The following MAN1C1 variants were observed in gnomAD, a reference collection of about 807,000 sequenced individuals.
The protein encoded by MAN1C1 is mannosyl-oligosaccharide 1,2-alpha-mannosidase IC.
MAN1C1 carries 49 observed loss-of-function variants against 71.5 expected under a neutral mutation model. The observed-to-expected ratio is 0.69, with a 90% CI of 0.54 to 0.87. The LOEUF is 0.87. Among genes scored for constraint, MAN1C1 ranks in the 40% least tolerant of loss-of-function variants. The pLI, the probability that MAN1C1 is intolerant of heterozygous loss-of-function variation, is 0.00. For missense variants in MAN1C1, 743 were observed against 835.0 expected, an observed-to-expected ratio of 0.89 and a Z score of 1.36; for synonymous variants, 352 against 343.7, an observed-to-expected ratio of 1.02 and a Z score of -0.27.
chr1:25,781,002 C>T lies in MAN1C1; in HGVS notation c.1540C>T (p.Leu514=). The change falls in exon 10 of 12, where the codon CTG becomes TTG. Residue 514 remains leucine, a synonymous_variant. Transcript: ENST00000374332. Reference sequence around the variant, plus strand: ...CGGCAGAGAGGCCGTGGCCACCCAGCTGAGCGAGAGCTACTACATCCTCCG... The same window carrying T: ...CGGCAGAGAGGCCGTGGCCACCCAGTTGAGCGAGAGCTACTACATCCTCCG... The part of the protein sequence containing the change: ...NSGREAVATQ[L]SESYYILRPE... 6.2e-7 allele frequency: 1 copy of T among 1,614,194 alleles called. No homozygotes were observed. The highest frequency in any genetic ancestry group is 8.5e-7 in the Non-Finnish European group (1 of 1,180,026).
intron 9 of MAN1C1, 43 bp from the exon 10 acceptor site, chr1:25,780,897 G>A (rs773953190): frequency 1.9e-6 from 3 of 1,595,728 alleles, no homozygotes; most frequent in Admixed American, 1.7e-5. Flanking sequence ...AAAGCAGGAG[G>A]TGGGAGGTCT....
rs867433498 is a variant in MAN1C1 at position 25,618,255 on chromosome 1, G to T, written c.458G>T (p.Arg153Leu). The T allele has an allele frequency of 1.9e-6, 3 of 1,602,378 alleles. No individual in the cohort carries two copies. The highest frequency in any genetic ancestry group is 2.5e-6 in the Non-Finnish European group (3 of 1,176,518). The change falls in exon 1 of 12, where the codon CGC becomes CTC. Residue 153 changes from arginine to leucine, a missense_variant. Physicochemically the swap from Arg to Leu is moderately radical, Grantham distance 102. Coordinates refer to ENST00000374332, the MANE Select transcript of MAN1C1 (RefSeq NM_020379.4). ...FDFNAFRSRL[R>L]HPVLGTRADE... The stretch of plus-strand genomic sequence containing the variant: ...TTCAACGCATTCCGGAGCCGTCTCC[G>T]CCACCCGGTCCTGGGAACGAGGGCC...
chr1:25,676,572 C>T (rs2046071385), intron 1 of MAN1C1, among the ~76,000 whole-genome samples: 1 of 152,216 alleles, frequency 6.6e-6, no homozygotes, highest in Non-Finnish European at 1.5e-5. Flanking sequence ...ACCCAATGTT[C>T]TAAGCTCTCT....
In MAN1C1 at chr1:25,617,653, C is replaced by G. The variant is rs1397800088; in HGVS notation, c.-145C>G. 9 of 633,888 alleles carry G rather than the reference C, an allele frequency of 1.4e-5. No homozygotes were observed. The highest frequency in any genetic ancestry group is 2.0e-5 in the African/African-American group (1 of 50,982). The allele number at this position is 633,888 out of a possible 1,614,324, so 39.3% of individuals were successfully genotyped here. A position where few individuals can be genotyped will look rare whatever the true frequency, so the allele number is the denominator to read the frequency against. On this transcript the variant is annotated 5_prime_UTR_variant, in exon 1 of 12. Coordinates refer to ENST00000374332, the MANE Select transcript of MAN1C1 (RefSeq NM_020379.4). This position sits in a 1 kb window ranked among gnomAD's most constrained non-coding sequence, Gnocchi z 5.1. ...AACTCCCTGAACTTCGGGGACAGTC[C>G]CCCGAAGCGGCGAAACTCTCAGGGT...
In MAN1C1 at chr1:25,763,880, A is replaced by G. The variant is rs1344078989; in HGVS notation, c.1054A>G (p.Asn352Asp). 1.2e-6 allele frequency: 2 copies of G among 1,613,568 alleles called. No individual in the cohort carries two copies. The highest frequency in any genetic ancestry group is 3.3e-5 in the Admixed American group (2 of 59,980). The change falls in exon 7 of 12, where the codon AAC becomes GAC. Residue 352 changes from asparagine (N) to aspartate (D), a missense_variant. Coordinates refer to ENST00000374332, the MANE Select transcript of MAN1C1 (RefSeq NM_020379.4). ...GGTGTCCGTCTCTCGGCAGGTCAGG[A>G]ACATCCGCAAGGTCCTCAGGAAGAT... The part of the protein sequence containing the change: ...GNQVFAEKVR[N>D]IRKVLRKIEK...
intron 2 of MAN1C1, chr1:25,710,277 G>A (rs576313968): frequency 9.2e-5 from 14 of 152,344 alleles, no homozygotes; most frequent in African/African-American, 3.4e-4. Context: ...ACATCTGTAA[G>A]ATGGGGTTGG....
intron 1 of MAN1C1, among the ~76,000 whole-genome samples, chr1:25,674,578 T>A (rs1469323911): frequency 6.6e-6 from 1 of 152,152 alleles, no homozygotes; most frequent in African/African-American, 2.4e-5. Flanking sequence ...CAACCAAGCC[T>A]GGGCACTGAA....
intron 1 of MAN1C1, among the ~76,000 whole-genome samples, chr1:25,622,679 G>A (rs769377169): frequency 1.3e-5 from 2 of 152,208 alleles, no homozygotes; most frequent in Non-Finnish European, 2.9e-5. Context: ...TGCCTAGAGA[G>A]CAGGCATCGG....
intron 2 of MAN1C1, among the ~76,000 whole-genome samples, chr1:25,689,289 G>C (rs2786865): frequency 6.6e-6 from 1 of 152,026 alleles, no homozygotes; most frequent in African/African-American, 2.4e-5. Flanking sequence ...GCTGACATGG[G>C]CAGTCCTTAC....
Position 25,782,377 on chromosome 1 carries a change from T to C in MAN1C1, c.1651-208T>C, listed in dbSNP as rs2047707188. Among the ~76,000 whole-genome samples, 1 of 150,604 alleles carries C rather than the reference T, an allele frequency of 6.6e-6. No individual in the cohort carries two copies. Among genetic ancestry groups the C allele is most frequent in the Non-Finnish European group, 1.5e-5 (1 of 67,606 alleles). On this transcript the variant is annotated intron_variant, in intron 10 of 11. Coordinates refer to ENST00000374332, the MANE Select transcript of MAN1C1 (RefSeq NM_020379.4). The surrounding 1 kb of genome is among the most constrained non-coding windows in gnomAD (Gnocchi z 4.4). ...CTCTCAGAGGTGTGGGTGGAAGGAG[T>C]GTGGCCCCTCCAGCCTGGGGACAGG...
chr1:25,699,474 G>A (rs1444250123), intron 2 of MAN1C1, among the ~76,000 whole-genome samples: 1 of 152,112 alleles, frequency 6.6e-6, no homozygotes, highest in Non-Finnish European at 1.5e-5. Context: ...GAGACCATCT[G>A]TGAGTGGTGC....
intron 2 of MAN1C1, among the ~76,000 whole-genome samples, chr1:25,716,442 C>T (rs2046682389): frequency 6.6e-6 from 1 of 152,226 alleles, no homozygotes; most frequent in Admixed American, 6.5e-5. Flanking sequence ...AAGCCATCCT[C>T]CCACCTCAGC....
chr1:25,631,531 A>T lies in MAN1C1; in HGVS notation c.540+13194A>T, dbSNP rs1433132406. Among the ~76,000 whole-genome samples the T allele has an allele frequency of 6.6e-6, 1 of 152,062 alleles. No individual in the cohort carries two copies. The highest frequency in any genetic ancestry group is 1.5e-5 in the Non-Finnish European group (1 of 68,016). On this transcript the variant is annotated intron_variant, in intron 1 of 11. Coordinates refer to ENST00000374332, the MANE Select transcript of MAN1C1 (RefSeq NM_020379.4). The surrounding 1 kb of genome is among the most constrained non-coding windows in gnomAD (Gnocchi z 4.2). The stretch of plus-strand genomic sequence containing the variant: ...ATGGTTTTTGTTTTTAATTCTGTTT[A>T]TGTGATATATGACATTTATTGACTT...
At chr1:25,748,442 A>G (rs549246318) in intron 3 of MAN1C1, among the ~76,000 whole-genome samples, 1 of 152,332 alleles carries the variant, frequency 6.6e-6, no homozygotes, top group East Asian at 1.9e-4. Flanking sequence ...GAGGGTGACA[A>G]CAGGCATGTC....
chr1:25,689,414 A>G (rs1202605487), intron 2 of MAN1C1, among the ~76,000 whole-genome samples: 1 of 152,172 alleles, frequency 6.6e-6, no homozygotes, highest in Non-Finnish European at 1.5e-5. Flanking sequence ...ATTGGAACTA[A>G]TGATATACTC....
intron 2 of MAN1C1, among the ~76,000 whole-genome samples, chr1:25,702,509 C>T (rs1000772272): frequency 1.3e-5 from 2 of 152,192 alleles, no homozygotes; most frequent in African/African-American, 4.8e-5. Flanking sequence ...GAGTCTACAG[C>T]TCAACTCACT....
At chr1:25,745,071 C>G (rs1020792934) in intron 2 of MAN1C1, among the ~76,000 whole-genome samples, 1 of 152,228 alleles carries the variant, frequency 6.6e-6, no homozygotes, top group African/African-American at 2.4e-5. Flanking sequence ...TCCCTTTCTC[C>G]CTCCCCTCCA....
intron 3 of MAN1C1, among the ~76,000 whole-genome samples, chr1:25,747,525 C>T (rs547115080): frequency 6.6e-6 from 1 of 152,322 alleles, no homozygotes; most frequent in Admixed American, 6.5e-5. Context: ...TCCAAGCACA[C>T]ACCAGGCTCC....
chr1:25,692,301 A>G (rs1045490283), intron 2 of MAN1C1, among the ~76,000 whole-genome samples: 1 of 152,238 alleles, frequency 6.6e-6, no homozygotes, highest in Non-Finnish European at 1.5e-5. Context: ...ACTGTCTCTT[A>G]GGAGGTGTAT....
Sources: allele counts gnomAD v4.1 joint callset (sites outside exome capture counted in the v4.1 genomes callset), GRCh38; gene constraint gnomAD v4.1.1; non-coding constraint Gnocchi (gnomAD v3.1); transcripts MANE v1.5; gene names NCBI Gene and HGNC (gene_info 2026-07-23, HGNC 2026-07-21).